Variants in CLVS1 observed in about 807,000 individuals in gnomAD.
CLVS1 encodes the protein clavesin-1.
CLVS1 carries 10 observed loss-of-function variants against 33.1 expected under a neutral mutation model. The observed-to-expected ratio is 0.30, with a 90% CI of 0.19 to 0.51. The LOEUF is 0.51. Among genes scored for constraint, CLVS1 ranks in the 20% least tolerant of loss-of-function variants. The pLI, the probability that CLVS1 is intolerant of heterozygous loss-of-function variation, is 0.97. For missense variants in CLVS1, 343 were observed against 433.4 expected (o/e 0.79, Z 1.85); for synonymous variants, 163 against 166.1 (o/e 0.98, Z 0.14).
rs182659030 is a variant in CLVS1 at position 61,078,235 on chromosome 8, T to G, written c.-243+21005T>G. Among the ~76,000 whole-genome samples the G allele has an allele frequency of 2.0e-5, 3 of 152,316 alleles. No homozygotes were observed. The East Asian group carries it at 5.8e-4, about 29-fold the overall frequency. ...TTTGTTCTGCATTCTGCAGTGTGAT[T>G]ATGTTAACCTGTCTGTGTGACCTTG... On this transcript the variant is annotated intron_variant, in intron 1 of 2. Coordinates refer to the CLVS1 transcript ENST00000522621.
chr8:61,100,609 A>C (rs1280368789), intron 1 of CLVS1, among the ~76,000 whole-genome samples: 2 of 152,176 alleles, frequency 1.3e-5, no homozygotes, highest in African/African-American at 4.8e-5. Context: ...TATATAATCA[A>C]TGGCTTTTAG....
chr8:61,192,013 T>C (rs1205212776), intron 2 of CLVS1, among the ~76,000 whole-genome samples: 1 of 152,114 alleles, frequency 6.6e-6, no homozygotes, highest in African/African-American at 2.4e-5. Context: ...CTTCACAGAA[T>C]TGGAAAAATC....
the CLVS1 span, among the ~76,000 whole-genome samples, chr8:60,991,769 T>C: frequency 6.9e-6 from 1 of 145,010 alleles, no homozygotes; most frequent in Admixed American, 7.0e-5. Context: ...TTTTTTGATA[T>C]GGAGTCTTGT....
At chr8:61,190,733 A>C (rs1021542689) in intron 2 of CLVS1, among the ~76,000 whole-genome samples, 3 of 152,238 alleles carry the variant, frequency 2.0e-5, no homozygotes, top group Non-Finnish European at 4.4e-5. Flanking sequence ...CCATCAGATA[A>C]TACTATAAAG....
At chr8:61,318,201 G>C (rs1811075532) in intron 2 of CLVS1, among the ~76,000 whole-genome samples, 1 of 152,132 alleles carries the variant, frequency 6.6e-6, no homozygotes, top group Non-Finnish European at 1.5e-5. Flanking sequence ...TCTAATTGCT[G>C]TTTCTTCATA....
chr8:61,294,679 T>C (rs1237200063), intron 1 of CLVS1, among the ~76,000 whole-genome samples: 2 of 152,178 alleles, frequency 1.3e-5, no homozygotes, highest in African/African-American at 4.8e-5. Flanking sequence ...CGTACACACA[T>C]ACATATACAT....
chr8:61,325,499 A>G (rs1811350921), intron 2 of CLVS1, among the ~76,000 whole-genome samples: 1 of 152,180 alleles, frequency 6.6e-6, no homozygotes, highest in Admixed American at 6.6e-5. Flanking sequence ...TCTTAAAAAC[A>G]TTGTGAGTTT....
At chr8:61,167,069 A>T (rs1806884296) in intron 2 of CLVS1, among the ~76,000 whole-genome samples, 2 of 151,586 alleles carry the variant, frequency 1.3e-5, no homozygotes, top group African/African-American at 4.8e-5. Flanking sequence ...ATAATGTAAA[A>T]TTTTATTAGA....
At chr8:61,416,978 T>A (rs1265693956) in intron 3 of CLVS1, among the ~76,000 whole-genome samples, 1 of 152,144 alleles carries the variant, frequency 6.6e-6, no homozygotes, top group Non-Finnish European at 1.5e-5. Context: ...GCAAGCCCAG[T>A]GGAAGCCACT....
chr8:61,077,154 A>G (rs1804928235), intron 1 of CLVS1, among the ~76,000 whole-genome samples: 2 of 151,730 alleles, frequency 1.3e-5, no homozygotes, highest in South Asian at 4.2e-4. Flanking sequence ...GCTCACTGCA[A>G]GCTCCGCCTC....
chr8:61,353,189 C>T (rs1812546318), intron 2 of CLVS1, among the ~76,000 whole-genome samples: 1 of 151,976 alleles, frequency 6.6e-6, no homozygotes, highest in East Asian at 1.9e-4. Context: ...ACGCAATCAA[C>T]CAACAGGATC....
intron 2 of CLVS1, among the ~76,000 whole-genome samples, chr8:61,250,010 T>C (rs1328575489): frequency 6.6e-6 from 1 of 152,188 alleles, no homozygotes; most frequent in Non-Finnish European, 1.5e-5. Flanking sequence ...TCCTGTAGGG[T>C]ATTGCCCAGG....
At chr8:61,216,626 A>G (rs1808094495) in intron 2 of CLVS1, among the ~76,000 whole-genome samples, 1 of 152,212 alleles carries the variant, frequency 6.6e-6, no homozygotes, top group Non-Finnish European at 1.5e-5. Context: ...GTTTAGTAAT[A>G]GTATTTTATC....
Position 61,501,212 on chromosome 8 carries a change from G to GAAAT in CLVS1, c.*1674_*1677dup, listed in dbSNP as rs1165797241. 4 of 146,966 alleles carry GAAAT rather than the reference G, an allele frequency of 2.7e-5. No individual in the cohort carries two copies. The highest frequency in any genetic ancestry group is 6.2e-5 in the Non-Finnish European group (4 of 64,792). The allele number at this position is 146,966 out of a possible 1,614,324, so 9.1% of individuals were successfully genotyped here. On this transcript the variant is annotated 3_prime_UTR_variant, in exon 6 of 6. Transcript: ENST00000325897. ...TGTACCAAGACATAGATAGGTAAGAGAAATAAAGAATTGAAGTGAATTAGA... is the reference window on the plus strand; with the variant it reads ...TGTACCAAGACATAGATAGGTAAGAGAAATAAATAAAGAATTGAAGTGAATTAGA...
the CLVS1 span, among the ~76,000 whole-genome samples, chr8:60,992,639 G>A: frequency 2.6e-5 from 4 of 152,250 alleles, no homozygotes; most frequent in Non-Finnish European, 5.9e-5. Flanking sequence ...CCCTGTTTGG[G>A]AGGTCAGTGA....
intron 1 of CLVS1, among the ~76,000 whole-genome samples, chr8:61,109,700 G>T (rs1805593659): frequency 1.3e-5 from 2 of 152,176 alleles, no homozygotes; most frequent in African/African-American, 4.8e-5. Context: ...GATCATGAGG[G>T]CTCTGCCTTC....
At chr8:61,266,153 T>G (rs1194004726) in intron 2 of CLVS1, among the ~76,000 whole-genome samples, 3 of 152,124 alleles carry the variant, frequency 2.0e-5, no homozygotes, top group Non-Finnish European at 4.4e-5. Context: ...AGTTGAGAAA[T>G]CCCTTTACCC....
chr8:61,137,091 A>G (rs762056825), intron 2 of CLVS1, among the ~76,000 whole-genome samples: 1 of 152,214 alleles, frequency 6.6e-6, no homozygotes, highest in Non-Finnish European at 1.5e-5. Context: ...TTCTTACTCT[A>G]TCTAGGGCTT....
intron 1 of CLVS1, among the ~76,000 whole-genome samples, chr8:61,293,550 A>G (rs1009116097): frequency 6.6e-6 from 1 of 152,188 alleles, no homozygotes; most frequent in Non-Finnish European, 1.5e-5. Context: ...GTTACACTTA[A>G]AAAGAAATAT....
Sources: allele counts gnomAD v4.1 joint callset (sites outside exome capture counted in the v4.1 genomes callset), GRCh38; gene constraint gnomAD v4.1.1; transcripts MANE v1.5; gene names NCBI Gene and HGNC (gene_info 2026-07-23, HGNC 2026-07-21).